The following CEP63 variants were observed in gnomAD, a reference collection of about 807,000 sequenced individuals.
CEP63 encodes the protein centrosomal protein of 63 kDa.
In CEP63, 84 loss-of-function variants were observed where a neutral mutation model predicts 89.1. The ratio of observed to expected loss-of-function variants is 0.94; its 90% CI spans 0.79 to 1.13. The LOEUF is 1.13. CEP63 is among the 50% of genes most tolerant of loss of function. The probability of loss-of-function intolerance (pLI) is 0.00; values close to 1 mark genes in which losing one functional copy is unlikely to be tolerated. For synonymous variants in CEP63, 267 were observed against 272.5 expected, an observed-to-expected ratio of 0.98 and a Z score of 0.20; for missense variants, 838 against 813.3, an observed-to-expected ratio of 1.03 and a Z score of -0.37.
At chr3:134,691,732 G>C in the CEP63 span, among the ~76,000 whole-genome samples, 1 of 152,052 alleles carries the variant, frequency 6.6e-6, no homozygotes, top group African/African-American at 2.4e-5. Flanking sequence ...TAAAGAGAAT[G>C]GCATTCTTTT....
chr3:134,641,513 C>T, the CEP63 span, among the ~76,000 whole-genome samples: 1 of 152,094 alleles, frequency 6.6e-6, no homozygotes, highest in African/African-American at 2.4e-5. Flanking sequence ...CAGCCTCTAG[C>T]AGCAGGAAGA....
At chr3:134,536,975 G>A in intron 5 of CEP63, 180 bp from the exon 6 acceptor site, 2 of 630,844 alleles carry the variant, frequency 3.2e-6, no homozygotes, top group Admixed American at 2.2e-5. Context: ...GGCACAGTAT[G>A]TGAGGAAGTT....
Position 134,503,394 on chromosome 3 carries a change from T to C in CEP63, c.45-3715T>C, listed in dbSNP as rs552632727. On this transcript the variant is annotated intron_variant, in intron 2 of 14. Transcript: ENST00000675561. ...TCTAAGATACTTGATATGATTTTGA[T>C]TTTAAAAAATTTGTTGAAACTTGTT... 2.0e-5 allele frequency among the ~76,000 whole-genome samples: 3 copies of C among 152,278 alleles called. No individual in the cohort carries two copies. The South Asian group carries it at 6.2e-4, about 32-fold the overall frequency.
chr3:134,544,786 A>G (rs1952860344), intron 6 of CEP63, among the ~76,000 whole-genome samples: 1 of 152,066 alleles, frequency 6.6e-6, no homozygotes, highest in African/African-American at 2.4e-5. Flanking sequence ...TTTCTGTGTG[A>G]GTAGGTAGAA....
At chr3:134,583,265 C>G (rs956153181) in intron 10 of CEP63, among the ~76,000 whole-genome samples, 1 of 152,156 alleles carries the variant, frequency 6.6e-6, no homozygotes, top group African/African-American at 2.4e-5. Flanking sequence ...ATGCCTATGT[C>G]CTGAATGGTA....
chr3:134,486,474 G>A, intron 1 of CEP63: 3 of 985,624 alleles, frequency 3.0e-6, no homozygotes, highest in Non-Finnish European at 3.6e-6. Context: ...GCGTGGCGCA[G>A]CCCGGCGTGG....
chr3:134,771,011 C>T, the CEP63 span, among the ~76,000 whole-genome samples: 1 of 152,132 alleles, frequency 6.6e-6, no homozygotes, highest in South Asian at 2.1e-4. Context: ...AATTTCAATC[C>T]ATGTTGTCAG....
the CEP63 span, among the ~76,000 whole-genome samples, chr3:134,598,566 AG>A: frequency 6.6e-6 from 1 of 152,216 alleles, no homozygotes; most frequent in Non-Finnish European, 1.5e-5. Context: ...CCCCATGGAA[AG>A]TATAAGACAC....
chr3:134,661,651 T>G, the CEP63 span, among the ~76,000 whole-genome samples: 140 of 152,144 alleles, frequency 9.2e-4, no homozygotes, highest in African/African-American at 3.3e-3. Context: ...GCACTCTCCT[T>G]TCTGGGAAGA....
chr3:134,767,771 G>A, the CEP63 span, among the ~76,000 whole-genome samples: 1 of 152,160 alleles, frequency 6.6e-6, no homozygotes, highest in African/African-American at 2.4e-5. Flanking sequence ...ACATTTTTGA[G>A]TATCTGTGCT....
chr3:134,678,155 C>G, the CEP63 span, among the ~76,000 whole-genome samples: 1 of 152,060 alleles, frequency 6.6e-6, no homozygotes, highest in Non-Finnish European at 1.5e-5. Flanking sequence ...CTCCTCCAGC[C>G]CAGAGCTGCT....
At chr3:134,679,695 G>A in the CEP63 span, among the ~76,000 whole-genome samples, 24 of 152,256 alleles carry the variant, frequency 1.6e-4, no homozygotes, top group South Asian at 6.2e-4. Context: ...AGTCATCAGG[G>A]TGGGCTCTAA....
chr3:134,700,307 G>T, the CEP63 span, among the ~76,000 whole-genome samples: 1 of 152,174 alleles, frequency 6.6e-6, no homozygotes, highest in Non-Finnish European at 1.5e-5. Context: ...CCACTTAATG[G>T]GTTCCCAGTG....
the CEP63 span, among the ~76,000 whole-genome samples, chr3:134,774,073 T>A: frequency 4.6e-5 from 7 of 152,156 alleles, no homozygotes; most frequent in African/African-American, 7.2e-5. Context: ...ATGCAGAGGC[T>A]TTCCTGGGGG....
intron 10 of CEP63, among the ~76,000 whole-genome samples, chr3:134,583,233 T>C (rs1958404446): frequency 6.6e-6 from 1 of 152,222 alleles, no homozygotes. Context: ...TTTTTGGTGT[T>C]TTAGACATGA....
the CEP63 span, among the ~76,000 whole-genome samples, chr3:134,600,621 C>T: frequency 4.6e-4 from 70 of 152,178 alleles, no homozygotes; most frequent in Non-Finnish European, 5.9e-5. Flanking sequence ...CCCTTCTGCC[C>T]TGTGGCCTGG....
At chr3:134,659,764 C>G in the CEP63 span, among the ~76,000 whole-genome samples, 3 of 152,204 alleles carry the variant, frequency 2.0e-5, no homozygotes, top group East Asian at 5.8e-4. Context: ...CACGAATGAG[C>G]TAAGAGCAGC....
intron 3 of CEP63, among the ~76,000 whole-genome samples, chr3:134,516,476 C>T (rs567827907): frequency 6.6e-6 from 1 of 152,172 alleles, no homozygotes; most frequent in Non-Finnish European, 1.5e-5. Flanking sequence ...TCAGCACAGA[C>T]CCTTTACGGG....
At chr3:134,761,567 G>A in the CEP63 span, among the ~76,000 whole-genome samples, 1 of 152,188 alleles carries the variant, frequency 6.6e-6, no homozygotes, top group Non-Finnish European at 1.5e-5. Context: ...TGTTTTTGCT[G>A]ACACGGCCAA....
Sources: gnomAD v4.1 joint callset for allele counts (sites outside exome capture counted in the v4.1 genomes callset) on GRCh38, gnomAD v4.1.1 for gene constraint, MANE v1.5 for transcripts, NCBI Gene and HGNC (gene_info 2026-07-23, HGNC 2026-07-21) for gene names.